Variants in HS3ST5 observed in about 807,000 individuals in gnomAD.
The protein encoded by HS3ST5 is heparan sulfate-glucosamine 3-sulfotransferase 5.
In HS3ST5, 10 loss-of-function variants were observed where a neutral mutation model predicts 25.4. The observed-to-expected ratio is 0.39, with a 90% confidence interval of 0.24 to 0.67. The LOEUF is 0.67. Among genes scored for constraint, HS3ST5 ranks in the 30% least tolerant of loss-of-function variants. HS3ST5 has a pLI of 0.44. For synonymous variants in HS3ST5, 170 were observed against 162.4 expected (o/e 1.05, Z -0.36); for missense variants, 324 against 420.7 (o/e 0.77, Z 2.01).
intron 1 of HS3ST5, among the ~76,000 whole-genome samples, chr6:114,260,784 AG>A (rs1360980781): frequency 6.6e-6 from 1 of 152,272 alleles, no homozygotes; most frequent in African/African-American, 2.4e-5. Context: ...GAGTTGAGAA[AG>A]CATGATCTGT....
chr6:114,154,032 T>C (rs972775469), intron 3 of HS3ST5, among the ~76,000 whole-genome samples: 2 of 152,030 alleles, frequency 1.3e-5, no homozygotes, highest in Admixed American at 6.6e-5. Flanking sequence ...CACAGGAAGT[T>C]TTAGTTCCTG....
At chr6:114,309,372 A>G (rs532832285) in intron 1 of HS3ST5, among the ~76,000 whole-genome samples, 2 of 152,336 alleles carry the variant, frequency 1.3e-5, no homozygotes, top group South Asian at 4.1e-4. Context: ...CTATTTCTAA[A>G]ATGTTACCCA....
intron 1 of HS3ST5, among the ~76,000 whole-genome samples, chr6:114,268,339 C>T (rs1448853031): frequency 6.6e-6 from 1 of 152,138 alleles, no homozygotes; most frequent in East Asian, 1.9e-4. Flanking sequence ...CTCAGATCTG[C>T]CCAGTTTAAC....
chr6:114,101,024 A>C (rs1677021591), intron 3 of HS3ST5, among the ~76,000 whole-genome samples: 1 of 152,226 alleles, frequency 6.6e-6, no homozygotes, highest in African/African-American at 2.4e-5. Flanking sequence ...TAACTTTTGG[A>C]AGTGAATTAT....
intron 3 of HS3ST5, among the ~76,000 whole-genome samples, chr6:114,154,984 C>T (rs1457322949): frequency 1.3e-5 from 2 of 152,154 alleles, no homozygotes; most frequent in African/African-American, 4.8e-5. Flanking sequence ...CCCTCCACCA[C>T]CCCACCCCCA....
At chr6:114,254,279 T>A (rs1034958063) in intron 1 of HS3ST5, among the ~76,000 whole-genome samples, 1 of 152,214 alleles carries the variant, frequency 6.6e-6, no homozygotes. Flanking sequence ...GTGTTTAAAT[T>A]TCTGGCCATC....
chr6:114,085,703 T>C (rs1183607522), intron 3 of HS3ST5, among the ~76,000 whole-genome samples: 2 of 152,200 alleles, frequency 1.3e-5, no homozygotes, highest in Non-Finnish European at 2.9e-5. Flanking sequence ...TTGGGTGTTC[T>C]GATTTTATTT....
At chr6:114,198,554 G>A (rs562910815) in intron 2 of HS3ST5, among the ~76,000 whole-genome samples, 14 of 152,226 alleles carry the variant, frequency 9.2e-5, no homozygotes, top group Non-Finnish European at 1.5e-5. Context: ...GGTTTAAGGT[G>A]CAATTAGCAC....
chr6:114,142,347 C>T (rs542560225), intron 3 of HS3ST5, among the ~76,000 whole-genome samples: 6 of 152,242 alleles, frequency 3.9e-5, no homozygotes, highest in South Asian at 4.1e-4. Context: ...ATGAAAGGAA[C>T]GAGTAAAATA....
chr6:114,274,797 G>A (rs114424481), intron 1 of HS3ST5, among the ~76,000 whole-genome samples: 12 of 152,170 alleles, frequency 7.9e-5, no homozygotes, highest in African/African-American at 2.9e-4. Flanking sequence ...ATCTGGGTAT[G>A]TTCTAGAGTT....
Position 114,121,006 on chromosome 6 carries a change from C to T in HS3ST5, c.-33+47345G>A, listed in dbSNP as rs191049189. On this transcript the variant is annotated intron_variant, in intron 3 of 4. Transcript: ENST00000312719. ...AAACAGCTAAATTGATTTTAGCATT[C>T]TGGAAGAATAATTGCACCTTTGGTG... Among the ~76,000 whole-genome samples the T allele has an allele frequency of 2.3e-3, 347 of 152,310 alleles. 1 individual carries two copies. Among genetic ancestry groups the T allele is most frequent in the African/African-American group, 8.1e-3 (335 of 41,574 alleles).
At chr6:114,265,077 G>T (rs1398551849) in intron 1 of HS3ST5, among the ~76,000 whole-genome samples, 3 of 152,018 alleles carry the variant, frequency 2.0e-5, no homozygotes, top group Admixed American at 6.6e-5. Flanking sequence ...TAGAGATGGG[G>T]TCTTGCTGTG....
intron 1 of HS3ST5, among the ~76,000 whole-genome samples, chr6:114,230,845 C>A (rs1771554024): frequency 6.6e-6 from 1 of 152,136 alleles, no homozygotes; most frequent in African/African-American, 2.4e-5. Flanking sequence ...GCCTCAGCCT[C>A]CCAAAGTGCT....
chr6:114,146,632 A>T (rs181979635), intron 3 of HS3ST5, among the ~76,000 whole-genome samples: 2 of 151,966 alleles, frequency 1.3e-5, no homozygotes, highest in African/African-American at 2.4e-5. Context: ...CCCAAATCTC[A>T]TGTTGAACTG....
intron 3 of HS3ST5, among the ~76,000 whole-genome samples, chr6:114,094,242 G>A (rs1231869944): frequency 1.3e-5 from 2 of 152,146 alleles, no homozygotes; most frequent in African/African-American, 2.4e-5. Flanking sequence ...TTATTTGGGG[G>A]AGTTCAAGAA....
intron 1 of HS3ST5, among the ~76,000 whole-genome samples, chr6:114,294,636 G>A (rs562799565): frequency 3.9e-5 from 6 of 152,064 alleles, no homozygotes; most frequent in South Asian, 2.1e-4. Context: ...TAGTAGAGAC[G>A]GGGTTTCACC....
chr6:114,294,287 T>G (rs1012619468), intron 1 of HS3ST5, among the ~76,000 whole-genome samples: 4 of 152,194 alleles, frequency 2.6e-5, no homozygotes, highest in Non-Finnish European at 4.4e-5. Context: ...GATGATGAAC[T>G]TTTTGTTTCT....
chr6:114,072,108 C>G lies in HS3ST5; in HGVS notation c.-32-9231G>C, dbSNP rs12174125. 2.8e-4 allele frequency among the ~76,000 whole-genome samples: 42 copies of G among 152,214 alleles called. No individual in the cohort carries two copies. In the East Asian group the frequency reaches 7.9e-3, roughly 29 times the overall value. ...ACTCTGCCTCCCTATGAAGTTCATG[C>G]AAAGCTGAAAATATTGCAGATTTTA... On this transcript the variant is annotated intron_variant, in intron 3 of 4. Transcript: ENST00000312719.
chr6:114,210,634 A>G (rs1781476589), intron 2 of HS3ST5, among the ~76,000 whole-genome samples: 1 of 152,182 alleles, frequency 6.6e-6, no homozygotes, highest in African/African-American at 2.4e-5. Flanking sequence ...TGTGTCATTC[A>G]CATCTAGGTT....
Sources: gnomAD v4.1 joint callset for allele counts (sites outside exome capture counted in the v4.1 genomes callset) on GRCh38, gnomAD v4.1.1 for gene constraint, MANE v1.5 for transcripts, NCBI Gene and HGNC (gene_info 2026-07-23, HGNC 2026-07-21) for gene names.